Variants in GPR158 observed in about 807,000 individuals in gnomAD.
GPR158 encodes the protein G protein-coupled receptor 158.
Under a neutral mutation model 78.2 loss-of-function variants are expected in GPR158, and 30 were observed. The ratio of observed to expected loss-of-function variants is 0.38; its 90% CI spans 0.29 to 0.52. The LOEUF is 0.52. Among genes scored for constraint, GPR158 ranks in the 20% least tolerant of loss-of-function variants. The pLI is 0.83. For synonymous variants in GPR158, 581 were observed against 591.1 expected, an observed-to-expected ratio of 0.98 and a Z score of 0.25; for missense variants, 1,463 against 1,523.5, an observed-to-expected ratio of 0.96 and a Z score of 0.66.
rs191862098 is a variant in GPR158 at position 25,561,863 on chromosome 10, A to T, written c.1514+10778A>T. Among the ~76,000 whole-genome samples, 14 of 152,292 alleles carry T rather than the reference A, an allele frequency of 9.2e-5. No homozygotes were observed. In the East Asian group the frequency reaches 2.3e-3, roughly 25 times the overall value. ...CTCTGATGAATAAGGAAGGGTGCATATAAGTTTAAAATAGTCATACCGCAG... is the reference window on the plus strand; with the variant it reads ...CTCTGATGAATAAGGAAGGGTGCATTTAAGTTTAAAATAGTCATACCGCAG... On this transcript the variant is annotated intron_variant, in intron 6 of 10. Transcript: ENST00000376351.
At chr10:25,421,839 A>G (rs1834755917) in intron 4 of GPR158, among the ~76,000 whole-genome samples, 1 of 152,158 alleles carries the variant, frequency 6.6e-6, no homozygotes, top group African/African-American at 2.4e-5. Context: ...GTTACTTGCC[A>G]TCAATTTTCA....
intron 4 of GPR158, among the ~76,000 whole-genome samples, chr10:25,421,604 T>C (rs1285552630): frequency 6.6e-6 from 1 of 152,214 alleles, no homozygotes; most frequent in Non-Finnish European, 1.5e-5. Context: ...TAATGGATGA[T>C]ACTTCCTTCA....
At chr10:25,382,489 C>G (rs1834169248) in intron 2 of GPR158, among the ~76,000 whole-genome samples, 1 of 152,174 alleles carries the variant, frequency 6.6e-6, no homozygotes, top group African/African-American at 2.4e-5. Context: ...CAACCCTACC[C>G]CAGTTTATCA....
intron 2 of GPR158, among the ~76,000 whole-genome samples, chr10:25,338,854 G>C (rs1855263978): frequency 6.6e-6 from 1 of 151,176 alleles, no homozygotes; most frequent in Non-Finnish European, 1.5e-5. Context: ...CAATAATGTG[G>C]AGAGAATTTA....
At chr10:25,299,348 T>C (rs1412225985) in intron 2 of GPR158, among the ~76,000 whole-genome samples, 1 of 152,164 alleles carries the variant, frequency 6.6e-6, no homozygotes, top group Non-Finnish European at 1.5e-5. Context: ...GACTTATTCA[T>C]TGGAGAAAAA....
intron 5 of GPR158, among the ~76,000 whole-genome samples, chr10:25,481,738 C>T (rs1287742599): frequency 6.6e-6 from 1 of 152,154 alleles, no homozygotes; most frequent in Non-Finnish European, 1.5e-5. Context: ...TTCCTTCCCA[C>T]CAGCAATGCA....
chr10:25,203,538 A>G (rs1564390346), intron 1 of GPR158, among the ~76,000 whole-genome samples: 2 of 150,990 alleles, frequency 1.3e-5, no homozygotes, highest in Non-Finnish European at 2.9e-5. Context: ...TGTTTTTGTC[A>G]GGTTTGTCAA....
chr10:25,368,747 T>G (rs756861055), intron 2 of GPR158, among the ~76,000 whole-genome samples: 1 of 147,052 alleles, frequency 6.8e-6, no homozygotes, highest in Non-Finnish European at 1.5e-5. Flanking sequence ...GCATTGAATC[T>G]GTAAATTACC....
chr10:25,521,361 G>A (rs960334643), intron 5 of GPR158, among the ~76,000 whole-genome samples: 1 of 152,188 alleles, frequency 6.6e-6, no homozygotes, highest in Non-Finnish European at 1.5e-5. Context: ...GGCCGGAGCT[G>A]TTCCTATTCG....
At chr10:25,575,423 CAA>C (rs1328838700) in intron 7 of GPR158, among the ~76,000 whole-genome samples, 1 of 152,040 alleles carries the variant, frequency 6.6e-6, no homozygotes, top group Non-Finnish European at 1.5e-5. Context: ...GAGCGGCTCT[CAA>C]AGTGTGGTCC....
intron 8 of GPR158, among the ~76,000 whole-genome samples, chr10:25,593,832 T>C (rs1408618146): frequency 6.6e-6 from 1 of 152,102 alleles, no homozygotes; most frequent in Non-Finnish European, 1.5e-5. Context: ...TTTCAATGCT[T>C]GGATCATTCA....
chr10:25,474,077 T>G (rs970151326), intron 5 of GPR158, among the ~76,000 whole-genome samples: 2 of 152,032 alleles, frequency 1.3e-5, no homozygotes, highest in African/African-American at 4.8e-5. Flanking sequence ...GATGGCATGA[T>G]GAAAAAGATT....
chr10:25,532,389 T>C (rs10508700), intron 5 of GPR158, among the ~76,000 whole-genome samples: 90,747 of 151,996 alleles, frequency 0.6, 29,858 homozygotes, highest in African/African-American at 0.89. Flanking sequence ...GCCTCTATCA[T>C]TTAATTCTAT....
At chr10:25,507,316 C>T (rs957592489) in intron 5 of GPR158, among the ~76,000 whole-genome samples, 4 of 152,196 alleles carry the variant, frequency 2.6e-5, no homozygotes, top group African/African-American at 9.7e-5. Context: ...CTACACAGAG[C>T]TGAGGAGCCT....
At chr10:25,529,516 T>C (rs1292647908) in intron 5 of GPR158, among the ~76,000 whole-genome samples, 1 of 151,944 alleles carries the variant, frequency 6.6e-6, no homozygotes. Context: ...GATCGGGGAG[T>C]GGCAAGTTGG....
chr10:25,484,627 A>G (rs1564468306), intron 5 of GPR158, among the ~76,000 whole-genome samples: 1 of 152,196 alleles, frequency 6.6e-6, no homozygotes, highest in Admixed American at 6.5e-5. Flanking sequence ...CTCTGCAGCA[A>G]TGTCATAGCT....
At chr10:25,346,566 T>C (rs1270836059) in intron 2 of GPR158, among the ~76,000 whole-genome samples, 9 of 151,996 alleles carry the variant, frequency 5.9e-5, no homozygotes, top group Non-Finnish European at 1.5e-5. Context: ...ATGTTCCTTA[T>C]AGATTTTCTG....
At chr10:25,256,106 C>T (rs2130728472) in intron 2 of GPR158, among the ~76,000 whole-genome samples, 1 of 152,086 alleles carries the variant, frequency 6.6e-6, no homozygotes, top group Non-Finnish European at 1.5e-5. Flanking sequence ...GCTACCATAG[C>T]CTGTGACTGC....
At chr10:25,423,056 T>C (rs964151597) in intron 4 of GPR158, among the ~76,000 whole-genome samples, 2 of 151,778 alleles carry the variant, frequency 1.3e-5, no homozygotes, top group Admixed American at 6.6e-5. Flanking sequence ...CTCAGTAGTA[T>C]TCCACGGTAT....
Sources: allele counts gnomAD v4.1 joint callset (sites outside exome capture counted in the v4.1 genomes callset), GRCh38; gene constraint gnomAD v4.1.1; transcripts MANE v1.5; gene names NCBI Gene and HGNC (gene_info 2026-07-23, HGNC 2026-07-21).